The following ROBO2 variants were observed in gnomAD, a reference collection of about 807,000 sequenced individuals.
ROBO2 encodes roundabout guidance receptor 2, also known as roundabout homolog 2.
In ROBO2, 53 loss-of-function variants were observed where a neutral mutation model predicts 160.8. The observed-to-expected ratio is 0.33, with a 90% confidence interval of 0.26 to 0.41. The LOEUF is 0.41. Among genes scored for constraint, ROBO2 ranks in the 10% least tolerant of loss-of-function variants. The pLI, the probability that ROBO2 is intolerant of heterozygous loss-of-function variation, is 1.00. For missense variants in ROBO2, 1,577 were observed against 1,722.4 expected, an observed-to-expected ratio of 0.92 and a Z score of 1.49; for synonymous variants, 664 against 611.7, an observed-to-expected ratio of 1.09 and a Z score of -1.26.
chr3:76,145,998 T>C (rs2106799381), intron 2 of ROBO2, among the ~76,000 whole-genome samples: 1 of 152,166 alleles, frequency 6.6e-6, no homozygotes, highest in South Asian at 2.1e-4. Context: ...ATTCCACTAT[T>C]TCTTTCCCGC....
chr3:77,221,978 G>A (rs964262517), intron 2 of ROBO2, among the ~76,000 whole-genome samples: 1 of 150,374 alleles, frequency 6.7e-6, no homozygotes, highest in Non-Finnish European at 1.5e-5. Context: ...TCAGCCTCCA[G>A]AGTAGCTGGG....
chr3:76,783,283 G>A (rs2062767452), intron 2 of ROBO2, among the ~76,000 whole-genome samples: 1 of 150,770 alleles, frequency 6.6e-6, no homozygotes, highest in Non-Finnish European at 1.5e-5. Context: ...TTTCATAGTA[G>A]AGTTAAAAGT....
At chr3:76,265,969 A>C (rs1429852475) in intron 2 of ROBO2, among the ~76,000 whole-genome samples, 1 of 152,182 alleles carries the variant, frequency 6.6e-6, no homozygotes, top group South Asian at 2.1e-4. Context: ...GAAACTCTTC[A>C]AGAATATAAT....
chr3:76,243,603 A>T (rs1040403105), intron 2 of ROBO2, among the ~76,000 whole-genome samples: 9 of 152,220 alleles, frequency 5.9e-5, no homozygotes, highest in Non-Finnish European at 1.2e-4. Context: ...GCAGGAGCTT[A>T]GGAAACCAAC....
intron 2 of ROBO2, among the ~76,000 whole-genome samples, chr3:76,777,955 C>A (rs1259246953): frequency 6.6e-6 from 1 of 151,080 alleles, no homozygotes; most frequent in Admixed American, 6.6e-5. Context: ...AAATAAGTTA[C>A]CATAGGCCCC....
chr3:76,777,285 G>T (rs72894249), intron 2 of ROBO2, among the ~76,000 whole-genome samples: 1,769 of 151,090 alleles, frequency 0.012, 30 homozygotes, highest in African/African-American at 0.039. Flanking sequence ...TTTCACATTC[G>T]CTGTGTAAGT....
intron 2 of ROBO2, among the ~76,000 whole-genome samples, chr3:77,287,490 A>G (rs576571447): frequency 2.2e-4 from 33 of 152,270 alleles, no homozygotes; most frequent in East Asian, 1.2e-3. Flanking sequence ...CCATCCCCAG[A>G]TACTTCTGAA....
At chr3:76,911,977 AT>A (rs1384015693) in intron 2 of ROBO2, among the ~76,000 whole-genome samples, 20 of 152,128 alleles carry the variant, frequency 1.3e-4, no homozygotes, top group Non-Finnish European at 2.1e-4. Flanking sequence ...CAAAAAAAAA[AT>A]ATTTTAATTA....
At chr3:77,426,485 T>A (rs1028203798) in intron 2 of ROBO2, among the ~76,000 whole-genome samples, 1 of 152,018 alleles carries the variant, frequency 6.6e-6, no homozygotes. Context: ...AGGATTTGAA[T>A]AATGGGAATA....
chr3:76,241,302 C>A (rs527275672), intron 2 of ROBO2, among the ~76,000 whole-genome samples: 2 of 152,000 alleles, frequency 1.3e-5, no homozygotes, highest in South Asian at 4.2e-4. Flanking sequence ...AGCACATTAA[C>A]AAAGAAAGAC....
At chr3:77,208,576 T>G (rs1426108723) in intron 2 of ROBO2, among the ~76,000 whole-genome samples, 1 of 152,134 alleles carries the variant, frequency 6.6e-6, no homozygotes, top group Non-Finnish European at 1.5e-5. Context: ...CTGGACAAAA[T>G]ATACCCATTT....
At chr3:76,005,161 T>A (rs1270797822) in intron 2 of ROBO2, among the ~76,000 whole-genome samples, 1 of 152,182 alleles carries the variant, frequency 6.6e-6, no homozygotes. Context: ...AATTGCCCAG[T>A]CTCTTATATT....
chr3:76,893,644 A>G (rs2074534303), intron 2 of ROBO2, among the ~76,000 whole-genome samples: 1 of 152,148 alleles, frequency 6.6e-6, no homozygotes, highest in Admixed American at 6.5e-5. Context: ...ATGAATTCAA[A>G]TATTTATAAT....
intron 2 of ROBO2, among the ~76,000 whole-genome samples, chr3:76,538,037 TCTG>T (rs1450240919): frequency 6.6e-6 from 1 of 152,092 alleles, no homozygotes; most frequent in East Asian, 1.9e-4. Context: ...TTTCACTTCT[TCTG>T]TGGTTTTTCG....
chr3:77,534,998 T>A (rs1652666272), intron 6 of ROBO2, among the ~76,000 whole-genome samples: 1 of 152,152 alleles, frequency 6.6e-6, no homozygotes, highest in Non-Finnish European at 1.5e-5. Context: ...GCAACATTAA[T>A]GGTAACAGGC....
intron 2 of ROBO2, among the ~76,000 whole-genome samples, chr3:76,756,656 A>G (rs1239508921): frequency 1.3e-5 from 2 of 151,864 alleles, no homozygotes; most frequent in African/African-American, 2.4e-5. Flanking sequence ...TTTACTTTTA[A>G]TTATCTATTT....
At chr3:77,181,527 A>G (rs572690310) in intron 2 of ROBO2, among the ~76,000 whole-genome samples, 1 of 152,242 alleles carries the variant, frequency 6.6e-6, no homozygotes, top group Non-Finnish European at 1.5e-5. Flanking sequence ...AAATCAAGAG[A>G]TAAGTATAAT....
At chr3:76,894,982 G>A (rs1346330897) in intron 2 of ROBO2, among the ~76,000 whole-genome samples, 2 of 152,010 alleles carry the variant, frequency 1.3e-5, no homozygotes, top group Non-Finnish European at 1.5e-5. Flanking sequence ...AATTGTTTGT[G>A]TTAACTATTT....
At chr3:76,815,907 A>G (rs923053682) in intron 2 of ROBO2, among the ~76,000 whole-genome samples, 78 of 152,096 alleles carry the variant, frequency 5.1e-4, no homozygotes, top group African/African-American at 1.7e-3. Flanking sequence ...GTTTTGAATT[A>G]AATTCTGCTT....
Sources: gnomAD v4.1 joint callset for allele counts (sites outside exome capture counted in the v4.1 genomes callset) on GRCh38, gnomAD v4.1.1 for gene constraint, MANE v1.5 for transcripts, NCBI Gene and HGNC (gene_info 2026-07-23, HGNC 2026-07-21) for gene names.